LSAMP: variants seen among roughly 807,000 people sequenced by gnomAD.
The protein encoded by LSAMP is limbic system associated membrane protein, also known as limbic system-associated membrane protein.
LSAMP carries 7 observed loss-of-function variants against 38.6 expected under a neutral mutation model. That is an observed-to-expected ratio of 0.18 (90% confidence interval 0.10 to 0.34). LSAMP has a LOEUF of 0.34. LSAMP is among the 10% of genes least tolerant of loss of function. The pLI is 1.00. For missense variants in LSAMP, 313 were observed against 420.0 expected, an observed-to-expected ratio of 0.75 and a Z score of 2.23; for synonymous variants, 154 against 166.8, an observed-to-expected ratio of 0.92 and a Z score of 0.59.
chr3:116,280,655 G>T (rs1404356933), intron 1 of LSAMP, among the ~76,000 whole-genome samples: 1 of 152,218 alleles, frequency 6.6e-6, no homozygotes, highest in Non-Finnish European at 1.5e-5. Flanking sequence ...TTCTGAGAAT[G>T]TGATTTACTT....
chr3:116,138,436 TAAATA>T (rs1308030254), intron 1 of LSAMP, among the ~76,000 whole-genome samples: 1 of 152,086 alleles, frequency 6.6e-6, no homozygotes, highest in Non-Finnish European at 1.5e-5. Context: ...TTTTTATAAA[TAAATA>T]AAAGTTAATC....
chr3:115,827,033 C>A (rs892203691), intron 6 of LSAMP, among the ~76,000 whole-genome samples: 2 of 149,190 alleles, frequency 1.3e-5, no homozygotes, highest in African/African-American at 2.5e-5. Context: ...TCTGGAACTT[C>A]AAGGGAGAAA....
At chr3:116,109,272 C>T (rs1009432966) in intron 1 of LSAMP, among the ~76,000 whole-genome samples, 6 of 152,054 alleles carry the variant, frequency 3.9e-5, no homozygotes, top group Non-Finnish European at 7.4e-5. Flanking sequence ...AAACTGTAAG[C>T]CGGACCAGGT....
chr3:116,431,811 T>C (rs952044108), intron 1 of LSAMP, among the ~76,000 whole-genome samples: 2 of 152,064 alleles, frequency 1.3e-5, no homozygotes, highest in South Asian at 2.1e-4. Flanking sequence ...ACTAGATCTC[T>C]TTGTGACTTT....
intron 1 of LSAMP, among the ~76,000 whole-genome samples, chr3:116,260,386 A>G (rs557950648): frequency 2.6e-5 from 4 of 152,132 alleles, no homozygotes; most frequent in Admixed American, 6.5e-5. Flanking sequence ...CACATTTTTT[A>G]AAATTTTCGA....
chr3:116,263,026 T>C (rs143928568), intron 1 of LSAMP, among the ~76,000 whole-genome samples: 41 of 152,318 alleles, frequency 2.7e-4, no homozygotes, highest in African/African-American at 8.4e-4. Context: ...TTGAGCTCTG[T>C]CACTCTACCT....
chr3:116,175,193 ATT>A (rs1251105792), intron 1 of LSAMP, among the ~76,000 whole-genome samples: 1 of 152,008 alleles, frequency 6.6e-6, no homozygotes, highest in Non-Finnish European at 1.5e-5. Context: ...TTTTTAGACT[ATT>A]CTCTGCAAGG....
chr3:116,298,228 C>A (rs188010040), intron 1 of LSAMP, among the ~76,000 whole-genome samples: 33 of 152,304 alleles, frequency 2.2e-4, no homozygotes, highest in African/African-American at 7.7e-4. Context: ...CTGTCTAATT[C>A]TTCTCTTCTG....
chr3:116,273,082 C>T (rs901134284), intron 1 of LSAMP, among the ~76,000 whole-genome samples: 7 of 152,054 alleles, frequency 4.6e-5, no homozygotes, highest in Non-Finnish European at 8.8e-5. Context: ...CATCACAGCA[C>T]TTAATAATTT....
chr3:116,294,839 T>C (rs184479933), intron 1 of LSAMP, among the ~76,000 whole-genome samples: 4 of 152,262 alleles, frequency 2.6e-5, no homozygotes, highest in Admixed American at 2.6e-4. Context: ...TGGGGAATAG[T>C]GAAGGAGGGT....
At chr3:116,036,069 T>C (rs909275637) in intron 2 of LSAMP, among the ~76,000 whole-genome samples, 1 of 152,190 alleles carries the variant, frequency 6.6e-6, no homozygotes, top group Non-Finnish European at 1.5e-5. Flanking sequence ...CTGGACTACA[T>C]GAGCAAGAAA....
chr3:116,330,959 T>C (rs1352789796), intron 1 of LSAMP, among the ~76,000 whole-genome samples: 1 of 152,010 alleles, frequency 6.6e-6, no homozygotes, highest in East Asian at 1.9e-4. Context: ...CAGATTTACC[T>C]GACAAAGACT....
At chr3:115,810,837 T>C (rs3772945) in intron 6 of LSAMP, among the ~76,000 whole-genome samples, 40,740 of 151,920 alleles carry the variant, frequency 0.27, 5,529 homozygotes, top group African/African-American at 0.31. Flanking sequence ...CAATTCATCA[T>C]GGCATCTCCA....
chr3:116,270,001 A>AT (rs1305201394), intron 1 of LSAMP, among the ~76,000 whole-genome samples: 1 of 152,164 alleles, frequency 6.6e-6, no homozygotes, highest in Non-Finnish European at 1.5e-5. Flanking sequence ...AAGCTAAACC[A>AT]TTTTTAACAT....
chr3:116,325,855 T>C (rs1307454638), intron 1 of LSAMP, among the ~76,000 whole-genome samples: 1 of 152,030 alleles, frequency 6.6e-6, no homozygotes, highest in African/African-American at 2.4e-5. Flanking sequence ...TGATGAAGAG[T>C]CTCTGCTTTC....
intron 3 of LSAMP, among the ~76,000 whole-genome samples, chr3:115,929,997 CAGA>C (rs1428369609): frequency 4.8e-5 from 3 of 62,782 alleles, no homozygotes; most frequent in Non-Finnish European, 6.7e-5. Flanking sequence ...ATAAATTTAG[CAGA>C]AGTTTTTTTT....
intron 1 of LSAMP, among the ~76,000 whole-genome samples, chr3:116,252,701 G>C (rs1221202033): frequency 6.6e-6 from 1 of 152,198 alleles, no homozygotes; most frequent in Non-Finnish European, 1.5e-5. Context: ...TGAATAACTT[G>C]AGGAAAACCT....
At chr3:116,306,881 C>A (rs1445828805) in intron 1 of LSAMP, among the ~76,000 whole-genome samples, 2 of 151,924 alleles carry the variant, frequency 1.3e-5, no homozygotes, top group African/African-American at 4.8e-5. Context: ...CCAAGTTTCC[C>A]AAGAGTCGTC....
intron 2 of LSAMP, among the ~76,000 whole-genome samples, chr3:116,042,328 A>G (rs1284882196): frequency 6.6e-6 from 1 of 151,998 alleles, no homozygotes; most frequent in Admixed American, 6.5e-5. Flanking sequence ...TTTTTATTTT[A>G]TGGATGATAA....
Sources: allele counts gnomAD v4.1 joint callset (sites outside exome capture counted in the v4.1 genomes callset), GRCh38; gene constraint gnomAD v4.1.1; transcripts MANE v1.5; gene names NCBI Gene and HGNC (gene_info 2026-07-23, HGNC 2026-07-21).